Variants in POLD3 observed in about 807,000 individuals in gnomAD.
POLD3 encodes the protein DNA polymerase delta subunit 3.
Under a neutral mutation model 58.2 loss-of-function variants are expected in POLD3, and 19 were observed. That is an observed-to-expected ratio of 0.33 (90% CI 0.23 to 0.48). The LOEUF is 0.48. Among genes scored for constraint, POLD3 ranks in the 20% least tolerant of loss-of-function variants. POLD3 has a pLI of 0.99. For synonymous variants in POLD3, 172 were observed against 193.5 expected (o/e 0.89, Z 0.92); for missense variants, 504 against 545.5 (o/e 0.92, Z 0.76).
intron 2 of POLD3, among the ~76,000 whole-genome samples, chr11:74,597,412 T>A (rs945610288): frequency 6.6e-6 from 1 of 152,218 alleles, no homozygotes; most frequent in African/African-American, 2.4e-5. Flanking sequence ...AAAAAAATCA[T>A]GGTTATCACT....
intron 8 of POLD3, 113 bp downstream of exon 8, chr11:74,625,686 C>A: frequency 2.5e-6 from 2 of 799,024 alleles, no homozygotes; most frequent in Non-Finnish European, 3.9e-6. Flanking sequence ...CTACTTAATG[C>A]CTAAGGGATA....
intron 3 of POLD3, 105 bp downstream of exon 3, chr11:74,604,899 A>G: frequency 1.6e-6 from 1 of 641,134 alleles, no homozygotes; most frequent in Non-Finnish European, 2.8e-6. Flanking sequence ...GTGTTATAGT[A>G]GTTTTAAAGA....
intron 11 of POLD3, among the ~76,000 whole-genome samples, chr11:74,637,975 T>G (rs756053785): frequency 1.3e-4 from 20 of 152,186 alleles, no homozygotes; most frequent in Non-Finnish European, 2.4e-4. Flanking sequence ...TCTATGGGTT[T>G]AGAAAGCTCA....
At chr11:74,654,549 T>C (rs9651761) in intron 4 of POLD3, among the ~76,000 whole-genome samples, 124,558 of 152,190 alleles carry the variant, frequency 0.82, 51,153 homozygotes, top group Middle Eastern at 0.94. Flanking sequence ...ACAAAATTGA[T>C]TAAAGGCTTA....
Position 74,625,457 on chromosome 11 carries a change from A to T in POLD3, c.783A>T (p.Lys261Asn). 6.2e-7 allele frequency: 1 copy of T among 1,613,540 alleles called. No homozygotes were observed. Among genetic ancestry groups the T allele is most frequent in the Non-Finnish European group, 8.5e-7 (1 of 1,179,700 alleles). ...LDSEQAVKEE[K>N]IVEQPTVSVT... Reference sequence around the variant, plus strand: ...CAGAACAAGCAGTGAAAGAAGAAAAAATAGTGGAGCAGCCTACAGTGTCTG... The same window carrying T: ...CAGAACAAGCAGTGAAAGAAGAAAATATAGTGGAGCAGCCTACAGTGTCTG... Residue 261 changes from lysine to asparagine, a missense_variant, in exon 8 of 12, where the codon AAA becomes AAT. This residue lies in a region of POLD3 where 385 missense variants were observed against 370.5 expected (regional missense o/e 1.04). Transcript: ENST00000263681.
chr11:74,666,963 A>C (rs1256210839), intron 4 of POLD3, among the ~76,000 whole-genome samples: 5 of 51,592 alleles, frequency 9.7e-5, no homozygotes, highest in Non-Finnish European at 1.8e-4. Flanking sequence ...AGTTGCTAAA[A>C]AAAAAAAAAA....
At chr11:74,668,652 G>T in intron 4 of POLD3, 1 of 563,440 alleles carries the variant, frequency 1.8e-6, no homozygotes, top group East Asian at 6.7e-5. Flanking sequence ...AGCTGGGTGA[G>T]TAAGGGGTGG....
intron 4 of POLD3, 141 bp from the exon 5 acceptor site, chr11:74,612,737 G>C (rs1336296296): frequency 9.6e-6 from 6 of 622,500 alleles, no homozygotes; most frequent in Non-Finnish European, 1.4e-5. Context: ...ATGTTTCACT[G>C]TATATGTGGC....
intron 4 of POLD3, among the ~76,000 whole-genome samples, chr11:74,655,894 TTGAA>T (rs1253088840): frequency 6.6e-6 from 1 of 152,114 alleles, no homozygotes; most frequent in Non-Finnish European, 1.5e-5. Context: ...GTCATACAGA[TTGAA>T]AGGAAGGCAT....
At chr11:74,669,133 C>A (rs1048400944), downstream of POLD3, 2 of 193,726 alleles carry the variant, frequency 1.0e-5, no homozygotes, top group African/African-American at 4.8e-5. Flanking sequence ...GGGCAGCTGA[C>A]CTTACTATCA....
rs1265514104 is a variant in POLD3 at position 74,640,988 on chromosome 11, A to G, written c.*222A>G. Reference sequence around the variant, plus strand: ...TGTTACCTTCTAATGACATTTAAAAAGCACAGTCTTTGACCTGTCCAGGAG... The same window carrying G: ...TGTTACCTTCTAATGACATTTAAAAGGCACAGTCTTTGACCTGTCCAGGAG... On this transcript the variant is annotated 3_prime_UTR_variant, in exon 12 of 12. Transcript: ENST00000263681. 1.6e-6 allele frequency: 2 copies of G among 1,235,978 alleles called. No homozygotes were observed. Among genetic ancestry groups the G allele is most frequent in the African/African-American group, 3.1e-5 (2 of 64,408 alleles). 76.6% of individuals were successfully genotyped at this position (1,235,978 alleles called of 1,614,324 possible). A position where few individuals can be genotyped will look rare whatever the true frequency, so the allele number is the denominator to read the frequency against.
intron 5 of POLD3, among the ~76,000 whole-genome samples, chr11:74,617,711 T>G (rs935413924): frequency 1.3e-5 from 2 of 152,156 alleles, no homozygotes; most frequent in African/African-American, 4.8e-5. Context: ...CTTCTTTGTT[T>G]TAAAGCATGA....
At chr11:74,595,234 G>A (rs2031194880) in intron 2 of POLD3, 1 of 134,840 alleles carries the variant, frequency 7.4e-6, no homozygotes, top group Non-Finnish European at 1.5e-5. Context: ...TTGAACTCAA[G>A]GATCCTCCCG....
At chr11:74,661,523 C>G (rs2033206854) in intron 4 of POLD3, among the ~76,000 whole-genome samples, 1 of 152,368 alleles carries the variant, frequency 6.6e-6, no homozygotes, top group East Asian at 1.9e-4. Context: ...CTCTTGTTCT[C>G]TTCCCTTACT....
intron 5 of POLD3, among the ~76,000 whole-genome samples, chr11:74,617,984 G>T (rs994118292): frequency 9.8e-5 from 15 of 152,308 alleles, no homozygotes; most frequent in East Asian, 3.9e-4. Context: ...TTCCCAAACC[G>T]CTGGGATTAC....
chr11:74,626,713 C>T (rs564548742), intron 8 of POLD3, among the ~76,000 whole-genome samples: 1 of 152,244 alleles, frequency 6.6e-6, no homozygotes, highest in South Asian at 2.1e-4. Flanking sequence ...TATCAAGTTG[C>T]TGTGTCAAAA....
At chr11:74,656,267 A>G (rs1404873976) in intron 4 of POLD3, among the ~76,000 whole-genome samples, 3 of 152,084 alleles carry the variant, frequency 2.0e-5, no homozygotes, top group Admixed American at 2.0e-4. Context: ...TAGGTTTTAT[A>G]TGTTGTGTTT....
At chr11:74,634,300 G>T (rs1323224076) in intron 9 of POLD3, among the ~76,000 whole-genome samples, 1 of 152,146 alleles carries the variant, frequency 6.6e-6, no homozygotes, top group Non-Finnish European at 1.5e-5. Context: ...GCGATAAGTG[G>T]ATATTTGTAA....
chr11:74,604,789 C>CATTCCGTAAGTTCTCAGAGCCTTGTA lies in POLD3; in HGVS notation c.217_219+23dup, dbSNP rs749751188. The CATTCCGTAAGTTCTCAGAGCCTTGTA allele has an allele frequency of 1.1e-5, 17 of 1,557,882 alleles. No individual in the cohort carries two copies. Among genetic ancestry groups the CATTCCGTAAGTTCTCAGAGCCTTGTA allele is most frequent in the Non-Finnish European group, 1.5e-5 (17 of 1,128,630 alleles). ...GTCTGGCAGTCTCATTCAGAATGGACATTCCGTAAGTTCTCAGAGCCTTGT... is the reference window on the plus strand; with the variant it reads ...GTCTGGCAGTCTCATTCAGAATGGACATTCCGTAAGTTCTCAGAGCCTTGTAATTCCGTAAGTTCTCAGAGCCTTGT... On this transcript the variant is annotated frameshift_variant, in exon 3 of 12. Coordinates refer to ENST00000263681, the MANE Select transcript of POLD3 (RefSeq NM_006591.3). LOFTEE classifies it high-confidence loss of function.
Sources: gnomAD v4.1 joint callset for allele counts (sites outside exome capture counted in the v4.1 genomes callset) on GRCh38, gnomAD v4.1.1 for gene constraint, gnomAD v4.1.1 regional missense constraint, MANE v1.5 for transcripts, NCBI Gene and HGNC (gene_info 2026-07-23, HGNC 2026-07-21) for gene names.